The following TTC27 variants were observed in gnomAD, a reference collection of about 807,000 sequenced individuals.
TTC27 encodes the protein tetratricopeptide repeat protein 27.
A neutral mutation model predicts 115.9 loss-of-function variants in TTC27; 79 were observed. The observed-to-expected ratio is 0.68, with a 90% confidence interval of 0.57 to 0.82. The LOEUF (loss-of-function observed/expected upper bound fraction) is 0.82. TTC27 is among the 40% of genes least tolerant of loss of function. The probability of loss-of-function intolerance (pLI) is 0.00; values close to 1 mark genes in which losing one functional copy is unlikely to be tolerated. For missense variants in TTC27, 1,054 were observed against 993.1 expected, an observed-to-expected ratio of 1.06 and a Z score of -0.82; for synonymous variants, 401 against 356.0, an observed-to-expected ratio of 1.13 and a Z score of -1.42.
chr2:32,628,370 C>A lies in TTC27; in HGVS notation c.78C>A (p.Val26=). The A allele has an allele frequency of 6.2e-7, 1 of 1,601,872 alleles. No homozygotes were observed. Among genetic ancestry groups the A allele is most frequent in the Non-Finnish European group, 8.5e-7 (1 of 1,175,496 alleles). ...GGCAGCAATGGAAACAGGAGGGGGT[C>A]GTCGGTTCAGGTGAGAGGCGCACCT... ...AERQQWKQEG[V]VGSESGSFLQ... is the part of the protein sequence containing the mutation. Residue 26 remains valine, a synonymous_variant, in exon 1 of 20, where the codon GTC becomes GTA. Transcript: ENST00000317907.
chr2:32,753,990 G>A lies in TTC27; in HGVS notation c.1453-4302G>A, dbSNP rs562674020. ...CTCGGGAGGCTGAGGCTGGAGAATC[G>A]CTTGAACCTGGGAGGTGGAGGTTGC... is the stretch of plus-strand genomic sequence containing the variant. On this transcript the variant is annotated intron_variant, in intron 12 of 19. Transcript: ENST00000317907. Among the ~76,000 whole-genome samples, 7 of 152,070 alleles carry A rather than the reference G, an allele frequency of 4.6e-5. 1 individual carries two copies. The highest frequency in any genetic ancestry group is 4.2e-4 in the South Asian group (2 of 4,810).
intron 10 of TTC27, among the ~76,000 whole-genome samples, chr2:32,707,101 G>T (rs1667399892): frequency 1.3e-5 from 2 of 152,214 alleles, no homozygotes; most frequent in Non-Finnish European, 2.9e-5. Context: ...GACCAGAAAT[G>T]TTTTGAAGGT....
At chr2:32,664,021 C>T (rs1665665445) in intron 5 of TTC27, among the ~76,000 whole-genome samples, 1 of 151,906 alleles carries the variant, frequency 6.6e-6, no homozygotes, top group Non-Finnish European at 1.5e-5. Flanking sequence ...TAAGACAAAC[C>T]CGCTGAGAAA....
At chr2:32,698,482 CTTTTTT>C (rs376008254) in intron 9 of TTC27, among the ~76,000 whole-genome samples, 1 of 124,714 alleles carries the variant, frequency 8.0e-6, no homozygotes, top group Non-Finnish European at 1.7e-5. Flanking sequence ...AACATGTTGT[CTTTTTT>C]TTTTTTTTTG....
intron 12 of TTC27, among the ~76,000 whole-genome samples, chr2:32,756,026 G>A (rs2147991055): frequency 1.3e-5 from 2 of 152,300 alleles, no homozygotes; most frequent in Admixed American, 1.3e-4. Flanking sequence ...GATCACTGCA[G>A]CCTTTCTGTC....
intron 5 of TTC27, among the ~76,000 whole-genome samples, chr2:32,655,776 T>A (rs1665293027): frequency 6.6e-6 from 1 of 151,984 alleles, no homozygotes; most frequent in Admixed American, 6.6e-5. Flanking sequence ...TGTCACCCAG[T>A]ACTTTTAAAA....
intron 10 of TTC27, among the ~76,000 whole-genome samples, chr2:32,717,522 C>T (rs552274181): frequency 6.6e-6 from 1 of 152,220 alleles, no homozygotes; most frequent in East Asian, 1.9e-4. Context: ...CTGCTTCTTT[C>T]CTGTTAGTTA....
At position 32,672,252 on chromosome 2, in the gene TTC27, T is replaced by A; in HGVS notation, c.940-20T>A. 1.3e-6 allele frequency: 2 copies of A among 1,583,198 alleles called. No individual in the cohort carries two copies. The highest frequency in any genetic ancestry group is 1.3e-5 in the African/African-American group (1 of 74,194). ...AAAATTTAATTTTTGGTCTAAGTAT[T>A]TTCTTTTGTATTCTACTAGAATCTT... On this transcript the variant is annotated intron_variant, in intron 7 of 19. Coordinates refer to ENST00000317907, the MANE Select transcript of TTC27 (RefSeq NM_017735.5).
intron 13 of TTC27, among the ~76,000 whole-genome samples, chr2:32,772,972 C>T (rs1323065521): frequency 6.6e-6 from 1 of 152,184 alleles, no homozygotes; most frequent in Non-Finnish European, 1.5e-5. Context: ...TACTCAGAGC[C>T]ACTTGAATCC....
intron 10 of TTC27, among the ~76,000 whole-genome samples, chr2:32,712,183 G>T (rs999907993): frequency 6.6e-6 from 1 of 152,162 alleles, no homozygotes; most frequent in African/African-American, 2.4e-5. Context: ...ATCTCTAAGT[G>T]AGACGTGCCA....
intron 16 of TTC27, among the ~76,000 whole-genome samples, chr2:32,787,907 C>G (rs1670402811): frequency 6.6e-6 from 1 of 152,142 alleles, no homozygotes; most frequent in Non-Finnish European, 1.5e-5. Flanking sequence ...GGTAGGGGCT[C>G]TAGTGAATCT....
intron 10 of TTC27, among the ~76,000 whole-genome samples, chr2:32,703,381 C>T (rs369710712): frequency 1.3e-5 from 2 of 152,106 alleles, no homozygotes; most frequent in East Asian, 3.9e-4. Flanking sequence ...GCAGGAGAAT[C>T]GCTTGAACCC....
At chr2:32,728,287 G>A (rs531960153) in intron 10 of TTC27, among the ~76,000 whole-genome samples, 30 of 151,942 alleles carry the variant, frequency 2.0e-4, no homozygotes, top group African/African-American at 5.3e-4. Context: ...GTGATCCGCC[G>A]GCCTCGGCCT....
Position 32,788,872 on chromosome 2 carries a change from C to T in TTC27, c.1998+1723C>T, listed in dbSNP as rs920179112. Among the ~76,000 whole-genome samples, 65 of 148,592 alleles carry T rather than the reference C, an allele frequency of 4.4e-4. 1 individual carries two copies. The highest frequency in any genetic ancestry group is 1.6e-3 in the African/African-American group (61 of 39,150). ...TTTTCTATTTGCTCTTATTCTCCTT[C>T]GCTTCCCAAGGCACATAGAGCAGGT... On this transcript the variant is annotated intron_variant, in intron 16 of 19. Transcript: ENST00000317907.
chr2:32,640,403 C>G lies in TTC27; in HGVS notation c.530C>G (p.Ala177Gly). 6.2e-7 allele frequency: 1 copy of G among 1,613,416 alleles called. No homozygotes were observed. Among genetic ancestry groups the G allele is most frequent in the Non-Finnish European group, 8.5e-7 (1 of 1,179,938 alleles). The change falls in exon 4 of 20, where the codon GCT (alanine) becomes GGT (glycine). Residue 177 changes from alanine to glycine, a missense_variant. Coordinates refer to ENST00000317907, the MANE Select transcript of TTC27 (RefSeq NM_017735.5). ...GTGAATGTAAGACATAAACTGACAG[C>G]TATTCAGGTAAGGAAAGGATCCATG... is the stretch of plus-strand genomic sequence containing the variant. ...ILVNVRHKLT[A>G]IQSLPWWTLR... is the part of the protein sequence containing the mutation.
chr2:32,675,867 C>T (rs1398365269), intron 8 of TTC27, among the ~76,000 whole-genome samples: 2 of 152,030 alleles, frequency 1.3e-5, no homozygotes. Context: ...TCTTGACTCA[C>T]TGCAACCTCC....
intron 4 of TTC27, among the ~76,000 whole-genome samples, chr2:32,645,996 G>A (rs1664841829): frequency 6.7e-6 from 1 of 150,198 alleles, no homozygotes; most frequent in African/African-American, 2.5e-5. Context: ...TGGGATTACA[G>A]GTGTGAGCCA....
chr2:32,742,497 C>T (rs1668679094), intron 12 of TTC27, among the ~76,000 whole-genome samples: 1 of 152,180 alleles, frequency 6.6e-6, no homozygotes, highest in Non-Finnish European at 1.5e-5. Context: ...AATTAGTGAA[C>T]ATTTGGCTCC....
At chr2:32,675,633 G>A (rs921874309) in intron 8 of TTC27, among the ~76,000 whole-genome samples, 1 of 152,150 alleles carries the variant, frequency 6.6e-6, no homozygotes, top group Non-Finnish European at 1.5e-5. Context: ...TGATTTGCAT[G>A]TACTAAGTTA....
Sources: gnomAD v4.1 joint callset for allele counts (sites outside exome capture counted in the v4.1 genomes callset) on GRCh38, gnomAD v4.1.1 for gene constraint, MANE v1.5 for transcripts, NCBI Gene and HGNC (gene_info 2026-07-23, HGNC 2026-07-21) for gene names.